GRK3: variants seen among roughly 807,000 people sequenced by gnomAD.
The protein encoded by GRK3 is G protein-coupled receptor kinase 3.
A neutral mutation model predicts 95.7 loss-of-function variants in GRK3; 54 were observed. The observed-to-expected ratio is 0.56, with a 90% CI of 0.45 to 0.71. The LOEUF (loss-of-function observed/expected upper bound fraction) is 0.71. Ranked by LOEUF, GRK3 falls within the 30% of genes least tolerant of loss-of-function variation. The probability of loss-of-function intolerance (pLI) is 0.00; values close to 1 mark genes in which losing one functional copy is unlikely to be tolerated. For synonymous variants in GRK3, 281 were observed against 290.8 expected (o/e 0.97, Z 0.34); for missense variants, 649 against 851.2 (o/e 0.76, Z 2.96).
At chr22:25,607,328 G>T (rs1433974149) in intron 2 of GRK3, among the ~76,000 whole-genome samples, 2 of 151,094 alleles carry the variant, frequency 1.3e-5, no homozygotes, top group Admixed American at 6.6e-5. Context: ...CGAGTTTATT[G>T]TCAAATTTCT....
chr22:25,612,611 C>T (rs1022663459), intron 2 of GRK3, among the ~76,000 whole-genome samples: 3 of 151,856 alleles, frequency 2.0e-5, no homozygotes, highest in Non-Finnish European at 4.4e-5. Context: ...AGTCTGGTGT[C>T]TTTTATTTCC....
At chr22:25,680,964 T>C (rs982861296) in intron 9 of GRK3, among the ~76,000 whole-genome samples, 1 of 151,772 alleles carries the variant, frequency 6.6e-6, no homozygotes, top group African/African-American at 2.4e-5. Flanking sequence ...TTTTTTTTTT[T>C]AATCTCAACT....
chr22:25,635,955 A>G (rs2084697899), intron 2 of GRK3, among the ~76,000 whole-genome samples: 1 of 152,174 alleles, frequency 6.6e-6, no homozygotes, highest in Admixed American at 6.5e-5. Context: ...TTATATCAGT[A>G]TGCACTCATA....
intron 8 of GRK3, among the ~76,000 whole-genome samples, chr22:25,674,818 G>A (rs1414232057): frequency 2.0e-5 from 3 of 152,092 alleles, no homozygotes; most frequent in Admixed American, 6.5e-5. Context: ...GCGCAGTGGC[G>A]GGCGCCTATA....
At chr22:25,647,539 G>A (rs555760355) in intron 3 of GRK3, 53 of 1,549,100 alleles carry the variant, frequency 3.4e-5, no homozygotes, top group Admixed American at 5.0e-5. Flanking sequence ...AACACGTGGT[G>A]TTACTATATT....
chr22:25,707,992 C>T (rs767168504), intron 15 of GRK3, among the ~76,000 whole-genome samples: 2 of 152,070 alleles, frequency 1.3e-5, no homozygotes, highest in Non-Finnish European at 2.9e-5. Flanking sequence ...AATCCCAGTA[C>T]TTTGGGAGGC....
chr22:25,597,540 C>T (rs1601462254), intron 1 of GRK3, among the ~76,000 whole-genome samples: 2 of 152,054 alleles, frequency 1.3e-5, no homozygotes, highest in Admixed American at 1.3e-4. Context: ...ATCAAAATAT[C>T]ACAGTGCGCC....
rs2085353052 is a variant in GRK3 at position 25,712,650 on chromosome 22, C to T, written c.1491+1487C>T. On this transcript the variant is annotated intron_variant, in intron 17 of 20. Transcript: ENST00000324198. ...TGCCACTGAGCTGAGTGAATGTGGG[C>T]CATTCTGCAACCTCTCGAGTCTTGG... Among the ~76,000 whole-genome samples, 5 of 152,224 alleles carry T rather than the reference C, an allele frequency of 3.3e-5. No homozygotes were observed. The South Asian group carries it at 1.0e-3, about 32-fold the overall frequency.
chr22:25,616,620 G>A (rs1191270213), intron 2 of GRK3, among the ~76,000 whole-genome samples: 1 of 152,210 alleles, frequency 6.6e-6, no homozygotes. Flanking sequence ...GCTAAAGGCT[G>A]TGAGAGACGA....
chr22:25,601,386 G>A (rs2084408716), intron 1 of GRK3, among the ~76,000 whole-genome samples: 1 of 152,176 alleles, frequency 6.6e-6, no homozygotes. Flanking sequence ...ATTTGGAAAT[G>A]AAGCAACACA....
At chr22:25,706,610 A>C (rs375161783) in intron 15 of GRK3, among the ~76,000 whole-genome samples, 28 of 152,064 alleles carry the variant, frequency 1.8e-4, no homozygotes, top group African/African-American at 6.5e-4. Flanking sequence ...GGCTCACTGC[A>C]AACTCTGTCT....
intron 15 of GRK3, among the ~76,000 whole-genome samples, chr22:25,709,319 G>A (rs1436033528): frequency 6.6e-6 from 1 of 152,100 alleles, no homozygotes; most frequent in Non-Finnish European, 1.5e-5. Flanking sequence ...TTACAGGCGT[G>A]AGCCACCACA....
chr22:25,613,077 A>G (rs1601473713), intron 2 of GRK3, among the ~76,000 whole-genome samples: 1 of 152,150 alleles, frequency 6.6e-6, no homozygotes, highest in Admixed American at 6.5e-5. Context: ...TCTAAAATAT[A>G]ACATAGATGG....
At chr22:25,717,690 G>T (rs772157852) in intron 18 of GRK3, among the ~76,000 whole-genome samples, 2 of 151,992 alleles carry the variant, frequency 1.3e-5, no homozygotes, top group Non-Finnish European at 2.9e-5. Flanking sequence ...ATGTAATCAG[G>T]ACTCAACAAT....
intron 13 of GRK3, among the ~76,000 whole-genome samples, chr22:25,696,802 A>G (rs796668442): frequency 3.9e-5 from 6 of 152,364 alleles, no homozygotes; most frequent in East Asian, 1.9e-4. Flanking sequence ...CTTGTGATCT[A>G]AAATTGTATT....
chr22:25,691,686 A>G (rs554624111), intron 12 of GRK3, among the ~76,000 whole-genome samples: 1 of 152,354 alleles, frequency 6.6e-6, no homozygotes, highest in East Asian at 1.9e-4. Flanking sequence ...AGTTTAGTAT[A>G]GTCATAACTA....
At chr22:25,638,167 C>A (rs2084716830) in intron 2 of GRK3, among the ~76,000 whole-genome samples, 1 of 152,198 alleles carries the variant, frequency 6.6e-6, no homozygotes, top group Non-Finnish European at 1.5e-5. Context: ...TACAACTAGT[C>A]TGCGTACAAT....
chr22:25,590,472 T>C (rs903761972), intron 1 of GRK3, among the ~76,000 whole-genome samples: 8 of 152,204 alleles, frequency 5.3e-5, no homozygotes, highest in African/African-American at 1.9e-4. Context: ...GTCATTTTGT[T>C]GTGTAGTTTC....
intron 1 of GRK3, among the ~76,000 whole-genome samples, chr22:25,602,097 G>A (rs1445548699): frequency 6.6e-6 from 1 of 152,054 alleles, no homozygotes; most frequent in Non-Finnish European, 1.5e-5. Flanking sequence ...ACTTATTTCT[G>A]GACTAAATAA....
Sources: gnomAD v4.1 joint callset for allele counts (sites outside exome capture counted in the v4.1 genomes callset) on GRCh38, gnomAD v4.1.1 for gene constraint, MANE v1.5 for transcripts, NCBI Gene and HGNC (gene_info 2026-07-23, HGNC 2026-07-21) for gene names.